EXD3: variants seen among roughly 807,000 people sequenced by gnomAD.
EXD3 encodes the protein exonuclease 3'-5' domain containing 3.
Under a neutral mutation model 98.0 loss-of-function variants are expected in EXD3, and 92 were observed. The ratio of observed to expected loss-of-function variants is 0.94; its 90% CI spans 0.79 to 1.12. The LOEUF is 1.12. Among genes scored for constraint, EXD3 ranks in the 50% most tolerant of loss-of-function variants. EXD3 has a pLI of 0.00. For synonymous variants in EXD3, 569 were observed against 526.0 expected (o/e 1.08, Z -1.12); for missense variants, 1,222 against 1,191.6 (o/e 1.03, Z -0.38).
chr9:137,365,761 C>T, intron 7 of EXD3: 1 of 332,458 alleles, frequency 3.0e-6, no homozygotes, highest in South Asian at 2.4e-5. Context: ...CATGCACACA[C>T]ACACCACATG....
At chr9:137,367,827 T>TC in intron 6 of EXD3, 109 bp downstream of exon 6, 1 of 1,078,850 alleles carries the variant, frequency 9.3e-7, no homozygotes, top group Non-Finnish European at 1.4e-6. Flanking sequence ...GGCCCTGCTG[T>TC]CCCCCACTGT....
intron 1 of EXD3, among the ~76,000 whole-genome samples, chr9:137,406,896 G>A (rs1173508489): frequency 6.6e-6 from 1 of 152,020 alleles, no homozygotes. Flanking sequence ...ACGGCCTTGC[G>A]CGCTGCGGGG....
chr9:137,368,561 C>T (rs1184931739), intron 5 of EXD3, among the ~76,000 whole-genome samples: 1 of 152,214 alleles, frequency 6.6e-6, no homozygotes, highest in Non-Finnish European at 1.5e-5. Flanking sequence ...CTGCACGTAC[C>T]ACGGGCCTGA....
intron 17 of EXD3, among the ~76,000 whole-genome samples, chr9:137,330,043 GCTACACGGGA>G (rs1832921025): frequency 7.5e-6 from 1 of 132,870 alleles, no homozygotes; most frequent in African/African-American, 3.0e-5. Context: ...CTACACCGGA[GCTACACGGGA>G]CTACACAGGA....
rs577412612 is a variant in EXD3 at position 137,407,697 on chromosome 9, C to T, written c.-47-12293G>A. Among the ~76,000 whole-genome samples, 2 of 152,318 alleles carry T rather than the reference C, an allele frequency of 1.3e-5. No homozygotes were observed. Among genetic ancestry groups the T allele is most frequent in the South Asian group, 2.1e-4 (1 of 4,826 alleles). ...CATCCAAGCATAAACCCCAACGCAG[C>T]GGCTCCTGGCCTGGTTCTGAAGACG... On this transcript the variant is annotated intron_variant, in intron 1 of 21. Coordinates refer to ENST00000340951, the MANE Select transcript of EXD3 (RefSeq NM_017820.5). This position sits in a 1 kb window ranked among gnomAD's most constrained non-coding sequence, Gnocchi z 4.4.
intron 19 of EXD3, 65 bp downstream of exon 19, chr9:137,323,660 C>T (rs898164480): frequency 6.3e-7 from 1 of 1,580,572 alleles, no homozygotes; most frequent in Non-Finnish European, 8.6e-7. Context: ...GCCCACCTCC[C>T]TGGACACCCC....
At chr9:137,381,023 C>G (rs1836230068) in intron 3 of EXD3, among the ~76,000 whole-genome samples, 1 of 151,442 alleles carries the variant, frequency 6.6e-6, no homozygotes, top group African/African-American at 2.4e-5. Context: ...TCACTTGAAT[C>G]TGGGAGGCGG....
Position 137,373,740 on chromosome 9 carries a change from G to A in EXD3, c.121-141C>T, listed in dbSNP as rs1414692212. 5.3e-6 allele frequency: 5 copies of A among 946,454 alleles called. No individual in the cohort carries two copies. In the South Asian group the frequency reaches 5.3e-5, roughly 10 times the overall value. 58.6% of individuals were successfully genotyped at this position (946,454 alleles called of 1,614,324 possible). A position where few individuals can be genotyped will look rare whatever the true frequency, so the allele number is the denominator to read the frequency against. The stretch of plus-strand genomic sequence containing the variant: ...CCATTCAGCCGCCATCTGCGCCTCC[G>A]TGACTTTTCATGCCGCCGTTCTGGT... On this transcript the variant is annotated intron_variant, in intron 3 of 21. Transcript: ENST00000340951.
rs911636797 is a variant in EXD3 at position 137,371,437 on chromosome 9, G to C, written c.462+1468C>G. Among the ~76,000 whole-genome samples the C allele has an allele frequency of 6.6e-6, 1 of 152,096 alleles. No homozygotes were observed. The highest frequency in any genetic ancestry group is 6.5e-5 in the Admixed American group (1 of 15,290). On this transcript the variant is annotated intron_variant, in intron 5 of 21. Coordinates refer to ENST00000340951, the MANE Select transcript of EXD3 (RefSeq NM_017820.5). The surrounding 1 kb of genome is among the most constrained non-coding windows in gnomAD (Gnocchi z 8.0). ...TGAGGGCCCGGCCAGGGCAGCCCCC[G>C]ATGCCCGTGCCCAGGTTCCAATGCA...
Position 137,348,195 on chromosome 9 carries a change from A to T in EXD3, c.1874T>A (p.Ile625Asn). The T allele has an allele frequency of 6.2e-7, 1 of 1,611,896 alleles. No homozygotes were observed. Among genetic ancestry groups the T allele is most frequent in the Non-Finnish European group, 8.5e-7 (1 of 1,179,664 alleles). The change falls in exon 17 of 22, where the codon ATT (isoleucine) becomes AAT (asparagine). Residue 625 changes from isoleucine to asparagine, a missense_variant. Physicochemically the swap from Ile to Asn is moderately radical, Grantham distance 149 (BLOSUM62 -3). Coordinates refer to ENST00000340951, the MANE Select transcript of EXD3 (RefSeq NM_017820.5). ...VAVSEGAAPQIPARAFRVVCD... is the reference protein window; with the variant it reads ...VAVSEGAAPQNPARAFRVVCD... The stretch of plus-strand genomic sequence containing the variant: ...CACCACACGGAAGGCCCTGGCCGGA[A>T]TCTGAGGGGCAGCGCCCTCAGACAC...
At chr9:137,378,725 A>G (rs1836041070) in intron 3 of EXD3, among the ~76,000 whole-genome samples, 1 of 152,248 alleles carries the variant, frequency 6.6e-6, no homozygotes, top group Admixed American at 6.5e-5. Flanking sequence ...ATCGTGCTAA[A>G]TGAAGAAGCA....
rs143731982 is a variant in EXD3, at chr9:137,348,392, C to T, written c.1831-154G>A. On this transcript the variant is annotated intron_variant, in intron 16 of 21. Coordinates refer to ENST00000340951, the MANE Select transcript of EXD3 (RefSeq NM_017820.5). The stretch of plus-strand genomic sequence containing the variant: ...TGTGCTGTGCATAAAACAGCAGAAA[C>T]GCAGACAAAATGCAGTGAAACCACC... Among the ~76,000 whole-genome samples the T allele has an allele frequency of 6.3e-3, 953 of 150,934 alleles. 9 individuals carry two copies. The highest frequency in any genetic ancestry group is 0.019 in the African/African-American group (776 of 40,984).
At chr9:137,332,740 G>T (rs1322104388) in intron 17 of EXD3, among the ~76,000 whole-genome samples, 1 of 152,162 alleles carries the variant, frequency 6.6e-6, no homozygotes, top group Non-Finnish European at 1.5e-5. Flanking sequence ...AGCTACTTGG[G>T]AGGCTGAGGC....
chr9:137,352,860 C>T lies in EXD3; in HGVS notation c.871-74G>A, dbSNP rs73581563. 269 of 1,500,742 alleles carry T rather than the reference C, an allele frequency of 1.8e-4. No individual in the cohort carries two copies. The African/African-American group carries it at 2.6e-3, about 15-fold the overall frequency. 93.0% of individuals were successfully genotyped at this position (1,500,742 alleles called of 1,614,324 possible). On this transcript the variant is annotated intron_variant, in intron 10 of 21. Coordinates refer to ENST00000340951, the MANE Select transcript of EXD3 (RefSeq NM_017820.5). The stretch of plus-strand genomic sequence containing the variant: ...ACAGGGCCCTGCCCCGAGGGACCCC[C>T]GTAGACCCCGACCTTGCAGACTGGC...
chr9:137,379,409 A>G (rs1386574586), intron 3 of EXD3, among the ~76,000 whole-genome samples: 1 of 54,230 alleles, frequency 1.8e-5, no homozygotes, highest in Non-Finnish European at 3.3e-5. Context: ...TGTGAGGGGT[A>G]CGGGGTTTGT....
At chr9:137,387,720 C>T (rs1053524922) in intron 2 of EXD3, among the ~76,000 whole-genome samples, 5 of 152,192 alleles carry the variant, frequency 3.3e-5, no homozygotes, top group Non-Finnish European at 7.4e-5. Context: ...GGAGCTGACA[C>T]CGAGGGACCT....
chr9:137,422,616 G>C (rs1243414469), intron 1 of EXD3, among the ~76,000 whole-genome samples: 1 of 152,200 alleles, frequency 6.6e-6, no homozygotes, highest in Non-Finnish European at 1.5e-5. Flanking sequence ...AACCCACCGG[G>C]CACCACATTC....
At chr9:137,317,193 C>A (rs1266006257) in intron 19 of EXD3, among the ~76,000 whole-genome samples, 1 of 152,142 alleles carries the variant, frequency 6.6e-6, no homozygotes, top group Non-Finnish European at 1.5e-5. Context: ...GAGGCGGCCC[C>A]AGGCGCGCAC....
chr9:137,416,441 A>G (rs543809241), intron 1 of EXD3, among the ~76,000 whole-genome samples: 1 of 152,254 alleles, frequency 6.6e-6, no homozygotes, highest in South Asian at 2.1e-4. Flanking sequence ...CCAGGGAGGG[A>G]CCGCCGGCAG....
Sources: gnomAD v4.1 joint callset for allele counts (sites outside exome capture counted in the v4.1 genomes callset) on GRCh38, gnomAD v4.1.1 for gene constraint, Gnocchi (gnomAD v3.1) non-coding constraint, MANE v1.5 for transcripts, NCBI Gene and HGNC (gene_info 2026-07-23, HGNC 2026-07-21) for gene names.